SEMA6D: variants seen among roughly 807,000 people sequenced by gnomAD.
The protein encoded by SEMA6D is semaphorin 6D, also known as semaphorin-6D.
Under a neutral mutation model 106.6 loss-of-function variants are expected in SEMA6D, and 35 were observed. The ratio of observed to expected loss-of-function variants is 0.33; its 90% confidence interval spans 0.25 to 0.44. SEMA6D has a LOEUF of 0.44. Ranked by LOEUF, SEMA6D falls within the 20% of genes least tolerant of loss-of-function variation. The pLI is 1.00. For synonymous variants in SEMA6D, 499 were observed against 487.7 expected, an observed-to-expected ratio of 1.02 and a Z score of -0.31; for missense variants, 1,185 against 1,345.9, an observed-to-expected ratio of 0.88 and a Z score of 1.87.
At position 47,520,169 on chromosome 15, in the gene SEMA6D, G is replaced by A. The variant is rs187368817; in HGVS notation, c.-87+49624G>A. On this transcript the variant is annotated intron_variant, in intron 3 of 19. Coordinates refer to the SEMA6D transcript ENST00000558014. ...GGATATTCTCACAAGTCCAGATAAG[G>A]AAGAAACCACTGGCTGATACAAAAT... is the stretch of plus-strand genomic sequence containing the variant. Among the ~76,000 whole-genome samples the A allele has an allele frequency of 1.4e-3, 206 of 152,316 alleles. 1 individual carries two copies. The highest frequency in any genetic ancestry group is 2.0e-3 in the Non-Finnish European group (133 of 68,018).
intron 1 of SEMA6D, among the ~76,000 whole-genome samples, chr15:47,733,896 A>G (rs377636685): frequency 2.6e-5 from 4 of 152,308 alleles, no homozygotes; most frequent in East Asian, 3.9e-4. Flanking sequence ...CTCCCCCAAA[A>G]AAAGTATTTG....
intron 1 of SEMA6D, among the ~76,000 whole-genome samples, chr15:47,284,570 G>A (rs2142631409): frequency 6.6e-6 from 1 of 152,184 alleles, no homozygotes; most frequent in East Asian, 1.9e-4. Context: ...CCCTAGAATT[G>A]GAAAAGAATA....
rs10637657 is a variant in SEMA6D at position 47,343,248 on chromosome 15, T to TTTATTATTATTATTATTATTATTATTA, written c.-238-69120_-238-69119insTATTATTATTATTATTATTATTATTAT. 2.5e-4 allele frequency among the ~76,000 whole-genome samples: 37 copies of TTTATTATTATTATTATTATTATTATTA among 146,144 alleles called. 1 individual carries two copies. Among genetic ancestry groups the TTTATTATTATTATTATTATTATTATTA allele is most frequent in the African/African-American group, 7.5e-4 (29 of 38,556 alleles). The stretch of plus-strand genomic sequence containing the variant: ...AAAAAAACGATGGATTAGTTGGATT[T>TTTATTATTATTATTATTATTATTATTA]TTATTATTATTATTATTATTATTAT... On this transcript the variant is annotated intron_variant, in intron 1 of 19. Coordinates refer to the SEMA6D transcript ENST00000558014.
intron 1 of SEMA6D, among the ~76,000 whole-genome samples, chr15:47,272,006 A>G (rs1275089464): frequency 6.6e-6 from 1 of 152,204 alleles, no homozygotes; most frequent in Non-Finnish European, 1.5e-5. Flanking sequence ...CAAGGCTTAC[A>G]TCAAGTTTCC....
intron 1 of SEMA6D, among the ~76,000 whole-genome samples, chr15:47,203,567 C>T (rs759841209): frequency 1.3e-5 from 2 of 152,092 alleles, no homozygotes; most frequent in Non-Finnish European, 2.9e-5. Context: ...TTCCTCTTCC[C>T]TATGAAGAGG....
chr15:47,674,195 C>T (rs2078196558), intron 4 of SEMA6D, among the ~76,000 whole-genome samples: 1 of 152,136 alleles, frequency 6.6e-6, no homozygotes, highest in Non-Finnish European at 1.5e-5. Context: ...CTGTTGGCAA[C>T]AGAATATTTC....
chr15:47,710,679 T>C (rs185860126), intron 4 of SEMA6D, among the ~76,000 whole-genome samples: 260 of 152,212 alleles, frequency 1.7e-3, no homozygotes, highest in Admixed American at 4.2e-3. Flanking sequence ...ACCAAAATAT[T>C]CAAATTTAAT....
intron 4 of SEMA6D, among the ~76,000 whole-genome samples, chr15:47,614,667 T>G (rs1006982581): frequency 6.6e-6 from 1 of 152,200 alleles, no homozygotes. Context: ...CAGTATAATT[T>G]GTGTTCCCTA....
intron 1 of SEMA6D, among the ~76,000 whole-genome samples, chr15:47,729,371 C>G (rs16959981): frequency 0.12 from 18,654 of 150,832 alleles, 3,680 homozygotes; most frequent in African/African-American, 0.41. Flanking sequence ...ACCAGATTTA[C>G]AGGGATCCCT....
At chr15:47,675,646 T>C (rs1662877802) in intron 4 of SEMA6D, among the ~76,000 whole-genome samples, 2 of 152,192 alleles carry the variant, frequency 1.3e-5, no homozygotes, top group Admixed American at 1.3e-4. Flanking sequence ...TGTTTTTCTT[T>C]ATATAAGAAA....
chr15:47,213,988 C>G (rs922955235), intron 1 of SEMA6D, among the ~76,000 whole-genome samples: 4 of 151,874 alleles, frequency 2.6e-5, no homozygotes, highest in African/African-American at 9.7e-5. Flanking sequence ...TGTGGAGTTG[C>G]GTCTGGCATG....
intron 1 of SEMA6D, among the ~76,000 whole-genome samples, chr15:47,251,738 A>G (rs1208442651): frequency 1.3e-5 from 2 of 152,048 alleles, no homozygotes; most frequent in Non-Finnish European, 2.9e-5. Flanking sequence ...TATATTTGTT[A>G]TTATAGCTAT....
chr15:47,761,245 C>G (rs1438891558), intron 5 of SEMA6D, 25 bp downstream of exon 5: 3 of 1,612,974 alleles, frequency 1.9e-6, no homozygotes, highest in Admixed American at 1.7e-5. Context: ...AAAATGTCTG[C>G]TAGATTTAGT....
At chr15:47,484,861 G>A (rs1256647862) in intron 3 of SEMA6D, among the ~76,000 whole-genome samples, 1 of 152,170 alleles carries the variant, frequency 6.6e-6, no homozygotes, top group Non-Finnish European at 1.5e-5. Context: ...GTTTCAAATT[G>A]TACAGTTGTG....
intron 2 of SEMA6D, among the ~76,000 whole-genome samples, chr15:47,450,664 TATAAAAGTG>T (rs1349411576): frequency 5.3e-5 from 8 of 152,198 alleles, no homozygotes; most frequent in African/African-American, 1.9e-4. Flanking sequence ...TTGTTTCAAT[TATAAAAGTG>T]GAAGGGTAGT....
chr15:47,657,637 A>G (rs1337071817), intron 4 of SEMA6D, among the ~76,000 whole-genome samples: 2 of 149,200 alleles, frequency 1.3e-5, no homozygotes, highest in Non-Finnish European at 3.0e-5. Flanking sequence ...TTTTTTAATC[A>G]TAGGATCAAA....
At chr15:47,612,624 C>G (rs1239184270) in intron 4 of SEMA6D, among the ~76,000 whole-genome samples, 1 of 152,130 alleles carries the variant, frequency 6.6e-6, no homozygotes, top group Non-Finnish European at 1.5e-5. Flanking sequence ...TCATTTGTTC[C>G]TTGCATTGTA....
At chr15:47,354,829 G>GA (rs1175681239) in intron 1 of SEMA6D, among the ~76,000 whole-genome samples, 6 of 151,966 alleles carry the variant, frequency 3.9e-5, no homozygotes, top group African/African-American at 1.4e-4. Context: ...TCACCGGCAG[G>GA]AAAAAAAGGT....
At chr15:47,469,560 C>T (rs73388916) in intron 2 of SEMA6D, among the ~76,000 whole-genome samples, 6,752 of 152,212 alleles carry the variant, frequency 0.044, 404 homozygotes, top group African/African-American at 0.14. Context: ...CCATCAGTAG[C>T]TCAGACATTT....
Sources: gnomAD v4.1 joint callset for allele counts (sites outside exome capture counted in the v4.1 genomes callset) on GRCh38, gnomAD v4.1.1 for gene constraint, MANE v1.5 for transcripts, NCBI Gene and HGNC (gene_info 2026-07-23, HGNC 2026-07-21) for gene names.